THSD7B: variants seen among roughly 807,000 people sequenced by gnomAD.
THSD7B encodes thrombospondin type 1 domain containing 7B, also known as thrombospondin type-1 domain-containing protein 7B.
A neutral mutation model predicts 213.6 loss-of-function variants in THSD7B; 138 were observed. The ratio of observed to expected loss-of-function variants is 0.65; its 90% CI spans 0.56 to 0.74. The LOEUF is 0.74. Ranked by LOEUF, THSD7B falls within the 30% of genes least tolerant of loss-of-function variation. THSD7B has a pLI of 0.00. For synonymous variants in THSD7B, 742 were observed against 687.0 expected (o/e 1.08, Z -1.25); for missense variants, 1,931 against 1,991.5 (o/e 0.97, Z 0.58).
intron 15 of THSD7B, among the ~76,000 whole-genome samples, chr2:137,528,938 C>T: frequency 6.6e-6 from 1 of 152,068 alleles, no homozygotes. Context: ...GCATTCTAGC[C>T]ACACCAAAAG....
rs1466022055 is a variant in THSD7B at position 137,232,914 on chromosome 2, C to G, written c.1931C>G (p.Pro644Arg). 2 of 1,613,684 alleles carry G rather than the reference C, an allele frequency of 1.2e-6. No homozygotes were observed. The highest frequency in any genetic ancestry group is 2.7e-5 in the African/African-American group (2 of 74,916). The change falls in exon 9 of 28, where the codon CCC (proline) becomes CGC (arginine). Residue 644 changes from proline to arginine, a missense_variant. Coordinates refer to ENST00000409968, the MANE Select transcript of THSD7B (RefSeq NM_001316349.2). ...ALAGEGGKPC[P>R]PSQALQEHRL... Reference sequence around the variant, plus strand: ...TTTTTGGCAGGTGGAAAGCCATGTCCCCCTAGTCAGGCTCTCCAAGAGCAT... The same window carrying G: ...TTTTTGGCAGGTGGAAAGCCATGTCGCCCTAGTCAGGCTCTCCAAGAGCAT...
chr2:137,541,915 G>A (rs1680617747), intron 15 of THSD7B, among the ~76,000 whole-genome samples: 1 of 151,204 alleles, frequency 6.6e-6, no homozygotes, highest in South Asian at 2.1e-4. Context: ...TGAGGAACAA[G>A]AAAGATTAAA....
At chr2:137,655,077 A>G (rs1269924956) in intron 21 of THSD7B, among the ~76,000 whole-genome samples, 1 of 152,180 alleles carries the variant, frequency 6.6e-6, no homozygotes, top group Non-Finnish European at 1.5e-5. Flanking sequence ...ACCTCAACCT[A>G]ATCCATAGAA....
chr2:137,355,918 G>T (rs554114768), intron 12 of THSD7B, among the ~76,000 whole-genome samples: 1 of 152,210 alleles, frequency 6.6e-6, no homozygotes, highest in Non-Finnish European at 1.5e-5. Context: ...CTGCCTTAAG[G>T]GATATGCTTC....
intron 2 of THSD7B, among the ~76,000 whole-genome samples, chr2:136,921,281 T>G (rs1684434085): frequency 1.3e-5 from 2 of 151,690 alleles, no homozygotes; most frequent in African/African-American, 4.8e-5. Context: ...GTAAGCCTAC[T>G]TCTGCTTAGT....
intron 15 of THSD7B, among the ~76,000 whole-genome samples, chr2:137,501,583 G>T (rs1307979759): frequency 6.6e-6 from 1 of 151,888 alleles, no homozygotes; most frequent in Non-Finnish European, 1.5e-5. Flanking sequence ...ACCTCTATAG[G>T]TTTCTTCAGC....
intron 20 of THSD7B, among the ~76,000 whole-genome samples, chr2:137,641,312 ACTCT>A (rs1317889173): frequency 6.6e-6 from 1 of 151,916 alleles, no homozygotes; most frequent in African/African-American, 2.4e-5. Context: ...TGTGTGGCGT[ACTCT>A]CTCTGCACAT....
chr2:137,313,187 G>C (rs1204133468), intron 12 of THSD7B, among the ~76,000 whole-genome samples: 1 of 152,144 alleles, frequency 6.6e-6, no homozygotes, highest in Non-Finnish European at 1.5e-5. Context: ...GAATCTGGGT[G>C]CTCCTGTATT....
At chr2:137,412,622 A>C (rs1303657536) in intron 14 of THSD7B, among the ~76,000 whole-genome samples, 2 of 110,636 alleles carry the variant, frequency 1.8e-5, no homozygotes, top group Admixed American at 9.0e-5. Context: ...AAAAAAAAAC[A>C]AAAAACAGTT....
chr2:137,437,081 C>T (rs1205104069), intron 14 of THSD7B, among the ~76,000 whole-genome samples: 1 of 152,074 alleles, frequency 6.6e-6, no homozygotes, highest in Non-Finnish European at 1.5e-5. Context: ...TCTTGAATAA[C>T]ACTTGAAGAT....
chr2:137,151,470 A>C (rs1483162151), intron 5 of THSD7B, among the ~76,000 whole-genome samples: 1 of 151,960 alleles, frequency 6.6e-6, no homozygotes, highest in Non-Finnish European at 1.5e-5. Flanking sequence ...AATAACACAC[A>C]TGGAGCTGCT....
chr2:137,324,602 A>C (rs1324529114), intron 12 of THSD7B, among the ~76,000 whole-genome samples: 2 of 152,188 alleles, frequency 1.3e-5, no homozygotes, highest in Non-Finnish European at 2.9e-5. Context: ...GAGACATACC[A>C]TTTTGAGTGC....
intron 20 of THSD7B, among the ~76,000 whole-genome samples, chr2:137,625,148 A>G (rs1240246965): frequency 6.6e-6 from 1 of 152,176 alleles, no homozygotes; most frequent in Non-Finnish European, 1.5e-5. Flanking sequence ...TGCAGCCATA[A>G]AAAATGATGA....
intron 1 of THSD7B, among the ~76,000 whole-genome samples, chr2:136,850,250 T>C (rs1683077778): frequency 6.6e-6 from 1 of 152,086 alleles, no homozygotes; most frequent in Admixed American, 6.6e-5. Flanking sequence ...CTGCATTGTA[T>C]GAGTACATTA....
chr2:137,374,842 A>G (rs898967300), intron 12 of THSD7B, among the ~76,000 whole-genome samples: 9 of 152,254 alleles, frequency 5.9e-5, no homozygotes, highest in Admixed American at 4.6e-4. Context: ...TTCATTTTGC[A>G]TATCAATACA....
intron 15 of THSD7B, among the ~76,000 whole-genome samples, chr2:137,484,730 G>GTATC (rs1688389905): frequency 1.7e-5 from 1 of 59,964 alleles, no homozygotes; most frequent in African/African-American, 6.7e-5. Flanking sequence ...GTGTGAGATG[G>GTATC]TATCTCATTG....
intron 2 of THSD7B, among the ~76,000 whole-genome samples, chr2:136,956,685 C>CT (rs563157220): frequency 0.075 from 10,544 of 140,622 alleles, 621 homozygotes; most frequent in African/African-American, 0.16. Context: ...TTTTTCTTTT[C>CT]TTTTTTTTTT....
intron 15 of THSD7B, among the ~76,000 whole-genome samples, chr2:137,490,431 T>G (rs2105121150): frequency 6.6e-6 from 1 of 152,318 alleles, no homozygotes; most frequent in South Asian, 2.1e-4. Context: ...CTTTAAAAGT[T>G]ACTTTTTTCT....
intron 15 of THSD7B, among the ~76,000 whole-genome samples, chr2:137,540,702 G>A (rs1680594101): frequency 6.6e-6 from 1 of 151,670 alleles, no homozygotes; most frequent in South Asian, 2.1e-4. Context: ...TTTTTCTCTA[G>A]AGAAACAGCT....
Sources: allele counts gnomAD v4.1 joint callset (sites outside exome capture counted in the v4.1 genomes callset), GRCh38; gene constraint gnomAD v4.1.1; transcripts MANE v1.5; gene names NCBI Gene and HGNC (gene_info 2026-07-23, HGNC 2026-07-21).